The following ZNF385A variants were observed in gnomAD, a reference collection of about 807,000 sequenced individuals.
ZNF385A encodes zinc finger protein 385A.
A neutral mutation model predicts 32.1 loss-of-function variants in ZNF385A; 14 were observed. The ratio of observed to expected loss-of-function variants is 0.44; its 90% confidence interval spans 0.29 to 0.68. ZNF385A has a LOEUF of 0.68. ZNF385A is among the 30% of genes least tolerant of loss of function. The pLI is 0.14. For synonymous variants in ZNF385A, 197 were observed against 202.7 expected (o/e 0.97, Z 0.24); for missense variants, 406 against 478.4 (o/e 0.85, Z 1.41).
rs1463733866 is a variant in ZNF385A at position 54,370,265 on chromosome 12, G to A, written c.1092C>T (p.Ser364=). 1 of 1,462,510 alleles carries A rather than the reference G, an allele frequency of 6.8e-7. No homozygotes were observed. Among genetic ancestry groups the A allele is most frequent in the South Asian group, 1.5e-5 (1 of 68,878 alleles). The allele number at this position is 1,462,510 out of a possible 1,614,324, so 90.6% of individuals were successfully genotyped here. The change falls in exon 7 of 7, where the codon TCC becomes TCT. Residue 364 remains serine (S), a synonymous_variant. Transcript: ENST00000394313. The surrounding 1 kb of genome is among the most constrained non-coding windows in gnomAD (Gnocchi z 5.5). The stretch of plus-strand genomic sequence containing the variant: ...GGGTTCAGGGTTGAGGTCAGTACGG[G>A]GAGAAGAGGATGGGTCCGTGCGCAG... ...IRTAHGPILF[S]PY
At chr12:54,387,565 A>G (rs551300340), upstream of ZNF385A, among the ~76,000 whole-genome samples, 51 of 151,924 alleles carry the variant, frequency 3.4e-4, no homozygotes, top group Admixed American at 1.8e-3. Context: ...TACATACACA[A>G]TCTCCCAGTA....
At position 54,370,920 on chromosome 12, in the gene ZNF385A, G is replaced by A. The variant is rs766785384; in HGVS notation, c.774+7C>T. On this transcript the variant is annotated splice_region_variant and intron_variant, in intron 5 of 6. Transcript: ENST00000394313. The surrounding 1 kb of genome is among the most constrained non-coding windows in gnomAD (Gnocchi z 5.5). ...CCCAGAATTCCTGGGAAGGGCCTTA[G>A]ACCCACCTGTTTCAGTTGGACCTCC... is the stretch of plus-strand genomic sequence containing the variant. 1.2e-5 allele frequency: 19 copies of A among 1,614,186 alleles called. 1 individual carries two copies. The South Asian group carries it at 1.9e-4, about 16-fold the overall frequency.
intron 1 of ZNF385A, among the ~76,000 whole-genome samples, chr12:54,382,877 A>G (rs990143774): frequency 3.9e-5 from 6 of 152,024 alleles, no homozygotes; most frequent in Non-Finnish European, 7.4e-5. Context: ...TTAAAACAAA[A>G]CAAATAGGCC....
At chr12:54,371,437 A>G in intron 4 of ZNF385A, 36 bp downstream of exon 4, 1 of 1,590,750 alleles carries the variant, frequency 6.3e-7, no homozygotes, top group Non-Finnish European at 8.5e-7. Flanking sequence ...TGGCCTGAGG[A>G]CAGGAGAGTC....
chr12:54,370,411 C>CA lies in ZNF385A; in HGVS notation c.945dup (p.Ala316CysfsTer84). ...GAGCCTGCTGCCGCTGCCATCACTG[C>CA]AGCCACCGCCAGGGGGCTGGGGAGC... On this transcript the variant is annotated frameshift_variant, in exon 7 of 7. Transcript: ENST00000394313. LOFTEE classifies it low-confidence loss of function (END_TRUNC). This position sits in a 1 kb window ranked among gnomAD's most constrained non-coding sequence, Gnocchi z 5.5. 6.5e-7 allele frequency: 1 copy of CA among 1,542,834 alleles called. No individual in the cohort carries two copies. The highest frequency in any genetic ancestry group is 8.8e-7 in the Non-Finnish European group (1 of 1,142,550).
rs958494807 is a variant in ZNF385A, at chr12:54,371,014, C to T, written c.687G>A (p.Pro229=). The T allele has an allele frequency of 2.5e-6, 4 of 1,614,026 alleles. No individual in the cohort carries two copies. Among genetic ancestry groups the T allele is most frequent in the East Asian group, 2.2e-5 (1 of 44,900 alleles). The change falls in exon 5 of 7, where the codon CCG becomes CCA. Residue 229 remains proline (P), a synonymous_variant. Coordinates refer to ENST00000394313, the MANE Select transcript of ZNF385A (RefSeq NM_015481.3). ...KAYPRLGPPT[P]GEPEAPAQDR... is the part of the protein sequence containing the mutation. ...CCTGGGCAGGAGCCTCTGGTTCCCCCGGGGTGGGAGGCCCCAGCCGAGGGT... is the reference window on the plus strand; with the variant it reads ...CCTGGGCAGGAGCCTCTGGTTCCCCTGGGGTGGGAGGCCCCAGCCGAGGGT...
intron 3 of ZNF385A, among the ~76,000 whole-genome samples, chr12:54,372,034 AGTGGCCTGCCAGCCAGTCTGG>A (rs1592232288): frequency 5.9e-5 from 9 of 152,198 alleles, no homozygotes; most frequent in Admixed American, 5.9e-4. Context: ...TATACCCCTC[AGTGGCCTGCCAGCCAGTCTGG>A]GCTTCCTGCC....
chr12:54,373,270 T>A (rs1285026700), intron 3 of ZNF385A, among the ~76,000 whole-genome samples: 3 of 151,830 alleles, frequency 2.0e-5, no homozygotes, highest in African/African-American at 7.3e-5. Context: ...AGGATGGAGA[T>A]GTTAGGTCTC....
chr12:54,376,106 T>C (rs1954837909), intron 1 of ZNF385A, 152 bp from the exon 2 acceptor site: 1 of 641,114 alleles, frequency 1.6e-6, no homozygotes, highest in East Asian at 2.7e-5. Flanking sequence ...TCTGATTCTC[T>C]CTTAGCCCAA....
upstream of ZNF385A, chr12:54,384,751 G>A: frequency 1.5e-6 from 2 of 1,299,102 alleles, no homozygotes; most frequent in Non-Finnish European, 1.9e-6. Flanking sequence ...GGGCCTGGGG[G>A]AGGGTGTAGA....
At chr12:54,376,600 C>T (rs1027938724) in intron 1 of ZNF385A, among the ~76,000 whole-genome samples, 2 of 152,188 alleles carry the variant, frequency 1.3e-5, no homozygotes, top group Admixed American at 6.5e-5. Flanking sequence ...GGGACCTAAG[C>T]AGCTGGGCTG....
chr12:54,370,211 C>A lies in ZNF385A; in HGVS notation c.*45G>T, dbSNP rs1229757118. On this transcript the variant is annotated 3_prime_UTR_variant, in exon 7 of 7. Coordinates refer to ENST00000394313, the MANE Select transcript of ZNF385A (RefSeq NM_015481.3). The surrounding 1 kb of genome is among the most constrained non-coding windows in gnomAD (Gnocchi z 5.5). The stretch of plus-strand genomic sequence containing the variant: ...GGCTGGGAGCCCGGACGCCTGGGTC[C>A]CGGCTGGAGGTGGGGAGTTGAATGG... 1.4e-6 allele frequency: 2 copies of A among 1,387,116 alleles called. No individual in the cohort carries two copies. The highest frequency in any genetic ancestry group is 1.9e-6 in the Non-Finnish European group (2 of 1,061,128). The allele number at this position is 1,387,116 out of a possible 1,614,324, so 85.9% of individuals were successfully genotyped here. A position where few individuals can be genotyped will look rare whatever the true frequency, so the allele number is the denominator to read the frequency against.
upstream of ZNF385A, chr12:54,384,928 G>A (rs1565630014): frequency 3.9e-6 from 4 of 1,031,354 alleles, no homozygotes; most frequent in Non-Finnish European, 4.6e-6. Context: ...CTCTTCTTCT[G>A]GTTTTGCTTT....
At chr12:54,382,317 G>A (rs1253300115) in intron 1 of ZNF385A, among the ~76,000 whole-genome samples, 3 of 151,512 alleles carry the variant, frequency 2.0e-5, no homozygotes, top group East Asian at 1.9e-4. Flanking sequence ...CTTGTGATCC[G>A]CCTGCCTCGG....
intron 1 of ZNF385A, among the ~76,000 whole-genome samples, chr12:54,380,945 C>G (rs1327607264): frequency 1.3e-5 from 2 of 152,036 alleles, no homozygotes; most frequent in Admixed American, 6.5e-5. Context: ...TGCTTGTAAT[C>G]CCAGCACTTT....
In ZNF385A at chr12:54,374,611, C is replaced by G. The variant is rs554293250; in HGVS notation, c.199-476G>C. ...CCCTGATGCCTGGGCTCTGTCCTGA[C>G]TACTTCCCCTTGGGTCTCATTTTCC... is the stretch of plus-strand genomic sequence containing the variant. On this transcript the variant is annotated intron_variant, in intron 2 of 6. Transcript: ENST00000394313. Among the ~76,000 whole-genome samples, 226 of 152,320 alleles carry G rather than the reference C, an allele frequency of 1.5e-3. 1 individual carries two copies. The highest frequency in any genetic ancestry group is 1.4e-3 in the South Asian group (7 of 4,830).
upstream of ZNF385A, among the ~76,000 whole-genome samples, chr12:54,388,560 G>C (rs1370266740): frequency 6.6e-6 from 1 of 152,246 alleles, no homozygotes; most frequent in Non-Finnish European, 1.5e-5. Flanking sequence ...CTGTGGGTTA[G>C]TGTTGGTTGG....
In ZNF385A at chr12:54,384,659, A is replaced by G; in HGVS notation, c.-145T>C. The G allele has an allele frequency of 7.1e-6, 10 of 1,414,700 alleles. No individual in the cohort carries two copies. The highest frequency in any genetic ancestry group is 9.2e-6 in the Non-Finnish European group (10 of 1,089,222). 87.6% of individuals were successfully genotyped at this position (1,414,700 alleles called of 1,614,324 possible). On this transcript the variant is annotated 5_prime_UTR_variant, in exon 1 of 7. Coordinates refer to ENST00000394313, the MANE Select transcript of ZNF385A (RefSeq NM_015481.3). ...GTCCCACTCCCTAGCCAGGGCCCCC[A>G]CACTCAGAAGTGTCACCCTCAGTGC...
chr12:54,373,163 G>GTA (rs1954646756), intron 3 of ZNF385A: 2 of 155,546 alleles, frequency 1.3e-5, no homozygotes, highest in Non-Finnish European at 1.4e-5. Context: ...GTGTGTGTGT[G>GTA]TGTGTATTGA....
Sources: allele counts gnomAD v4.1 joint callset (sites outside exome capture counted in the v4.1 genomes callset), GRCh38; gene constraint gnomAD v4.1.1; non-coding constraint Gnocchi (gnomAD v3.1); transcripts MANE v1.5; gene names NCBI Gene and HGNC (gene_info 2026-07-23, HGNC 2026-07-21).